Variants in SLC25A12 observed in about 807,000 individuals in gnomAD.
The protein encoded by SLC25A12 is electrogenic aspartate/glutamate antiporter SLC25A12, mitochondrial.
In SLC25A12, 32 loss-of-function variants were observed where a neutral mutation model predicts 83.3. The observed-to-expected ratio is 0.38, with a 90% confidence interval of 0.29 to 0.52. The LOEUF (loss-of-function observed/expected upper bound fraction) is 0.52. SLC25A12 is among the 20% of genes least tolerant of loss of function. The pLI is 0.84. For synonymous variants in SLC25A12, 267 were observed against 291.1 expected, an observed-to-expected ratio of 0.92 and a Z score of 0.84; for missense variants, 611 against 835.6, an observed-to-expected ratio of 0.73 and a Z score of 3.31.
chr2:171,887,306 C>A (rs944982812), intron 2 of SLC25A12, among the ~76,000 whole-genome samples: 1 of 151,984 alleles, frequency 6.6e-6, no homozygotes, highest in South Asian at 2.1e-4. Context: ...GTATGGGATA[C>A]GATCTTCATT....
intron 3 of SLC25A12, among the ~76,000 whole-genome samples, chr2:171,862,352 T>C (rs1282257153): frequency 6.6e-6 from 1 of 152,256 alleles, no homozygotes; most frequent in East Asian, 1.9e-4. Context: ...TGCTTTTCAT[T>C]ATACACCAGA....
chr2:171,811,413 C>A (rs891595289), intron 11 of SLC25A12, among the ~76,000 whole-genome samples: 1 of 152,200 alleles, frequency 6.6e-6, no homozygotes, highest in South Asian at 2.1e-4. Context: ...TACTTTTAAT[C>A]TAACTCCCAT....
At chr2:171,828,484 G>A (rs1471350723) in intron 8 of SLC25A12, among the ~76,000 whole-genome samples, 2 of 152,080 alleles carry the variant, frequency 1.3e-5, no homozygotes, top group African/African-American at 2.4e-5. Context: ...GACTTTTGGG[G>A]CCCACAATCT....
intron 3 of SLC25A12, among the ~76,000 whole-genome samples, chr2:171,867,206 ACGCTCCTCACTT>A (rs1685348991): frequency 6.7e-6 from 1 of 149,224 alleles, no homozygotes; most frequent in African/African-American, 2.5e-5. Flanking sequence ...CCAGGCAGAG[ACGCTCCTCACTT>A]CCCAGACGGG....
chr2:171,805,534 G>A lies in SLC25A12; in HGVS notation c.1305+4072C>T, dbSNP rs532923141. Among the ~76,000 whole-genome samples, 173 of 152,268 alleles carry A rather than the reference G, an allele frequency of 1.1e-3. 1 individual carries two copies. The highest frequency in any genetic ancestry group is 1.3e-3 in the Non-Finnish European group (91 of 68,014). Reference sequence around the variant, plus strand: ...AGAATATGGATTTGGAGATAGAAGTGGTTTGAACCACAATTTTGATATTTA... The same window carrying A: ...AGAATATGGATTTGGAGATAGAAGTAGTTTGAACCACAATTTTGATATTTA... On this transcript the variant is annotated intron_variant, in intron 13 of 17. Transcript: ENST00000422440.
intron 3 of SLC25A12, among the ~76,000 whole-genome samples, chr2:171,862,278 A>T (rs1357358714): frequency 1.3e-5 from 2 of 152,236 alleles, no homozygotes; most frequent in Non-Finnish European, 2.9e-5. Flanking sequence ...AACAGTCTAA[A>T]TATTTTAGAT....
chr2:171,808,631 C>A (rs1427575881), intron 13 of SLC25A12, among the ~76,000 whole-genome samples: 1 of 152,088 alleles, frequency 6.6e-6, no homozygotes, highest in African/African-American at 2.4e-5. Context: ...GGAATTAGAA[C>A]TTTTAAAAAA....
chr2:171,793,861 T>C, intron 13 of SLC25A12, 94 bp from the exon 14 acceptor site: 1 of 1,442,990 alleles, frequency 6.9e-7, no homozygotes, highest in Non-Finnish European at 9.7e-7. Context: ...CACATCTTGC[T>C]ATCTTGAAAA....
At chr2:171,827,623 C>T (rs1444402027) in intron 8 of SLC25A12, among the ~76,000 whole-genome samples, 1 of 152,208 alleles carries the variant, frequency 6.6e-6, no homozygotes, top group African/African-American at 2.4e-5. Context: ...GCAACTAGGG[C>T]TCTTGAGCTG....
intron 1 of SLC25A12, 47 bp from the exon 2 acceptor site, chr2:171,893,305 C>T (rs1685985424): frequency 6.8e-7 from 1 of 1,480,868 alleles, no homozygotes; most frequent in Non-Finnish European, 9.4e-7. Context: ...TCACTAGAGA[C>T]CACACAATCT....
At chr2:171,808,472 T>C (rs1683881456) in intron 13 of SLC25A12, among the ~76,000 whole-genome samples, 1 of 152,212 alleles carries the variant, frequency 6.6e-6, no homozygotes, top group Non-Finnish European at 1.5e-5. Flanking sequence ...AAATTATTAT[T>C]AAACAATGGC....
chr2:171,786,713 C>G (rs1048201120), intron 17 of SLC25A12, among the ~76,000 whole-genome samples: 2 of 152,202 alleles, frequency 1.3e-5, no homozygotes, highest in Admixed American at 6.5e-5. Flanking sequence ...GTGCAAGCTT[C>G]AAGTGGTAAG....
chr2:171,836,561 C>G (rs1242000279), intron 6 of SLC25A12, among the ~76,000 whole-genome samples: 1 of 152,152 alleles, frequency 6.6e-6, no homozygotes, highest in Non-Finnish European at 1.5e-5. Flanking sequence ...AGGCTGATGG[C>G]CACATATTTC....
intron 2 of SLC25A12, among the ~76,000 whole-genome samples, chr2:171,875,047 T>C (rs1043893329): frequency 6.6e-6 from 1 of 152,232 alleles, no homozygotes; most frequent in Non-Finnish European, 1.5e-5. Flanking sequence ...AATACAACGT[T>C]GTAACTTTCC....
intron 8 of SLC25A12, among the ~76,000 whole-genome samples, chr2:171,827,375 G>A (rs1202219368): frequency 6.6e-6 from 1 of 152,192 alleles, no homozygotes; most frequent in Non-Finnish European, 1.5e-5. Context: ...AGGAGAATAG[G>A]GTCTGGAGAC....
At chr2:171,872,402 A>G (rs1188306818) in intron 2 of SLC25A12, among the ~76,000 whole-genome samples, 1 of 152,228 alleles carries the variant, frequency 6.6e-6, no homozygotes, top group Non-Finnish European at 1.5e-5. Context: ...CTTAATATGT[A>G]CGAGATAATT....
At chr2:171,866,842 G>T (rs1300096569) in intron 3 of SLC25A12, among the ~76,000 whole-genome samples, 3 of 150,802 alleles carry the variant, frequency 2.0e-5, no homozygotes, top group Non-Finnish European at 4.4e-5. Context: ...CGGACGGGGT[G>T]GCTGCCGGGC....
At chr2:171,858,017 G>A (rs1252510757) in intron 3 of SLC25A12, among the ~76,000 whole-genome samples, 1 of 151,998 alleles carries the variant, frequency 6.6e-6, no homozygotes, top group Admixed American at 6.6e-5. Context: ...ATTAACCAGT[G>A]GTCAAAACTA....
chr2:171,891,189 C>T (rs1685927523), intron 2 of SLC25A12, among the ~76,000 whole-genome samples: 1 of 152,002 alleles, frequency 6.6e-6, no homozygotes, highest in Non-Finnish European at 1.5e-5. Flanking sequence ...GCCTGTAATC[C>T]CAGCTACTCG....
Sources: allele counts gnomAD v4.1 joint callset (sites outside exome capture counted in the v4.1 genomes callset), GRCh38; gene constraint gnomAD v4.1.1; transcripts MANE v1.5; gene names NCBI Gene and HGNC (gene_info 2026-07-23, HGNC 2026-07-21).